The following HERC2 variants were observed in gnomAD, a reference collection of about 807,000 sequenced individuals.
HERC2 encodes HECT and RLD domain containing E3 ubiquitin protein ligase 2, also known as E3 ubiquitin-protein ligase HERC2.
A neutral mutation model predicts 537.7 loss-of-function variants in HERC2; 102 were observed. The ratio of observed to expected loss-of-function variants is 0.19; its 90% CI spans 0.16 to 0.22. The LOEUF (loss-of-function observed/expected upper bound fraction) is 0.22, where lower values mean the gene tolerates loss of function less well. Ranked by LOEUF, HERC2 falls within the 10% of genes least tolerant of loss-of-function variation. The pLI, the probability that HERC2 is intolerant of heterozygous loss-of-function variation, is 1.00. For missense variants in HERC2, 4,236 were observed against 6,198.2 expected, an observed-to-expected ratio of 0.68 and a Z score of 10.63; for synonymous variants, 2,224 against 2,466.2, an observed-to-expected ratio of 0.90 and a Z score of 2.91.
intron 55 of HERC2, among the ~76,000 whole-genome samples, chr15:28,189,065 C>T (rs536512935): frequency 2.6e-5 from 4 of 151,952 alleles, no homozygotes; most frequent in African/African-American, 4.8e-5. Flanking sequence ...CCAGCCTGGG[C>T]GACAGAGTGA....
At chr15:28,144,341 A>C in intron 72 of HERC2, 106 bp from the exon 73 acceptor site, 1 of 1,187,450 alleles carries the variant, frequency 8.4e-7, no homozygotes, top group Non-Finnish European at 1.2e-6. Context: ...ACCCACCAGA[A>C]GGCAACAGCT....
intron 85 of HERC2, among the ~76,000 whole-genome samples, chr15:28,123,680 T>G (rs904801407): frequency 6.6e-6 from 1 of 152,068 alleles, no homozygotes; most frequent in Non-Finnish European, 1.5e-5. Flanking sequence ...CCTGTGTCAG[T>G]GGGGACTTGC....
At chr15:28,223,424 A>G (rs1196507670) in intron 35 of HERC2, among the ~76,000 whole-genome samples, 1 of 152,158 alleles carries the variant, frequency 6.6e-6, no homozygotes, top group African/African-American at 2.4e-5. Context: ...CAAGAGAGCA[A>G]CAAAGGATAT....
chr15:28,194,731 T>C (rs931222046), intron 52 of HERC2, among the ~76,000 whole-genome samples: 5 of 152,166 alleles, frequency 3.3e-5, no homozygotes, highest in African/African-American at 4.8e-5. Context: ...ATGTCTTCTA[T>C]AGTTCTGTTA....
chr15:28,250,378 C>T (rs543483656), intron 20 of HERC2, among the ~76,000 whole-genome samples: 1 of 152,234 alleles, frequency 6.6e-6, no homozygotes, highest in South Asian at 2.1e-4. Flanking sequence ...ACCACTGTAA[C>T]ACAAGAAACA....
chr15:28,292,906 C>G lies in HERC2; in HGVS notation c.304G>C (p.Val102Leu), dbSNP rs750404031. The G allele has an allele frequency of 6.2e-6, 10 of 1,610,372 alleles. No homozygotes were observed. In the Admixed American group the frequency reaches 1.2e-4, roughly 19 times the overall value. Reference sequence around the variant, plus strand: ...AGATTACCTGGTTGCTTGCCCCATACCCAGCTGTCCAGAATTGACTTGGCC... The same window carrying G: ...AGATTACCTGGTTGCTTGCCCCATAGCCAGCTGTCCAGAATTGACTTGGCC... ...YRAKSILDSWVWGKQPDVNEL... is the reference protein window; with the variant it reads ...YRAKSILDSWLWGKQPDVNEL... The change falls in exon 4 of 93, where the codon GTA (valine) becomes CTA (leucine). Residue 102 changes from valine (V) to leucine (L), a missense_variant. By Grantham distance (32) the Val-to-Leu change is conservative. This residue lies in a region of HERC2 where 491 missense variants were observed against 559.3 expected (regional missense o/e 0.88). Coordinates refer to ENST00000261609, the MANE Select transcript of HERC2 (RefSeq NM_004667.6).
At chr15:28,155,605 ATGGGGTTGTTT>A (rs1892921173) in intron 69 of HERC2, among the ~76,000 whole-genome samples, 2 of 136,174 alleles carry the variant, frequency 1.5e-5, no homozygotes. Flanking sequence ...CCACTTGTTG[ATGGGGTTGTTT>A]TTTTCTTGTA....
chr15:28,163,353 TACCC>T, intron 68 of HERC2, 68 bp from the exon 69 acceptor site: 1 of 1,444,530 alleles, frequency 6.9e-7, no homozygotes. Context: ...GTCACCAGTT[TACCC>T]ATAAACTCAG....
At position 28,280,168 on chromosome 15, in the gene HERC2, C is replaced by G. The variant is rs1365719827; in HGVS notation, c.442G>C (p.Glu148Gln). Residue 148 changes from glutamate to glutamine, a missense_variant, in exon 5 of 93, where the codon GAG becomes CAG. Transcript: ENST00000261609. ...LRLKQRLVIL[E>Q]RYFIALNRTV... ...CTATTCAAGGCAATGAAATAGCGCT[C>G]CAAGATCACCAGCCTCTGCTTGAGT... 1 of 1,614,182 alleles carries G rather than the reference C, an allele frequency of 6.2e-7. No homozygotes were observed. Among genetic ancestry groups the G allele is most frequent in the Admixed American group, 1.7e-5 (1 of 60,024 alleles).
intron 20 of HERC2, among the ~76,000 whole-genome samples, chr15:28,254,014 T>G (rs1241704556): frequency 6.6e-6 from 1 of 151,454 alleles, no homozygotes; most frequent in East Asian, 1.9e-4. Flanking sequence ...CCGGGAGTGG[T>G]GGGTGATGCC....
At chr15:28,161,599 C>A (rs928191103) in intron 69 of HERC2, among the ~76,000 whole-genome samples, 1 of 152,176 alleles carries the variant, frequency 6.6e-6, no homozygotes, top group Non-Finnish European at 1.5e-5. Context: ...AGCTACTAGC[C>A]ACATGTGCCT....
Position 28,168,559 on chromosome 15 carries a change from C to A in HERC2, c.10261G>T (p.Ala3421Ser), listed in dbSNP as rs761645402. The A allele has an allele frequency of 3.7e-5, 59 of 1,614,000 alleles. No homozygotes were observed. In the South Asian group the frequency reaches 6.0e-4, roughly 17 times the overall value. ...DAVVGALMPA[A>S]MIAPVECPSF... is the part of the protein sequence containing the mutation. ...GGGCACTCCACCGGGGCGATCATGGCGGCCGGCATCAGGGCCCCGACAACA... is the reference window on the plus strand; with the variant it reads ...GGGCACTCCACCGGGGCGATCATGGAGGCCGGCATCAGGGCCCCGACAACA... The change falls in exon 67 of 93, where the codon GCC (alanine) becomes TCC (serine). Residue 3421 changes from alanine to serine, a missense_variant. Coordinates refer to ENST00000261609, the MANE Select transcript of HERC2 (RefSeq NM_004667.6).
chr15:28,144,449 C>G (rs1891533032), intron 72 of HERC2, among the ~76,000 whole-genome samples: 1 of 152,230 alleles, frequency 6.6e-6, no homozygotes, highest in Non-Finnish European at 1.5e-5. Context: ...CCAGCAACAA[C>G]TCCTTCCACA....
At chr15:28,256,646 T>A (rs750066945) in intron 17 of HERC2, among the ~76,000 whole-genome samples, 6 of 152,140 alleles carry the variant, frequency 3.9e-5, no homozygotes, top group Non-Finnish European at 5.9e-5. Flanking sequence ...CCAAAAAAGC[T>A]GCCACAGGTG....
At chr15:28,246,918 T>C (rs1274588732) in intron 21 of HERC2, 21 bp from the exon 22 acceptor site, 4 of 1,590,904 alleles carry the variant, frequency 2.5e-6, no homozygotes, top group Non-Finnish European at 3.4e-6. Flanking sequence ...GATTGAGAAA[T>C]TTTCATTTTC....
At chr15:28,147,234 A>G (rs1288731050) in intron 70 of HERC2, among the ~76,000 whole-genome samples, 1 of 150,920 alleles carries the variant, frequency 6.6e-6, no homozygotes, top group African/African-American at 2.5e-5. Flanking sequence ...AGAGAAACAG[A>G]AGAGAAAAAG....
At chr15:28,184,160 C>T (rs1305137365) in intron 56 of HERC2, among the ~76,000 whole-genome samples, 1 of 152,266 alleles carries the variant, frequency 6.6e-6, no homozygotes, top group African/African-American at 2.4e-5. Flanking sequence ...CATTGCGATC[C>T]AGCCTGGGCA....
chr15:28,252,692 G>A (rs1365136130), intron 20 of HERC2, among the ~76,000 whole-genome samples: 2 of 152,128 alleles, frequency 1.3e-5, no homozygotes, highest in East Asian at 3.8e-4. Context: ...ATGAAGTTTA[G>A]TTCTCTTTAT....
At chr15:28,313,695 G>A (rs1469478769) in intron 2 of HERC2, among the ~76,000 whole-genome samples, 1 of 152,120 alleles carries the variant, frequency 6.6e-6, no homozygotes, top group South Asian at 2.1e-4. Flanking sequence ...TCTATTGAAC[G>A]TAGGACAACA....
Sources: gnomAD v4.1 joint callset for allele counts (sites outside exome capture counted in the v4.1 genomes callset) on GRCh38, gnomAD v4.1.1 for gene constraint, gnomAD v4.1.1 regional missense constraint, MANE v1.5 for transcripts, NCBI Gene and HGNC (gene_info 2026-07-23, HGNC 2026-07-21) for gene names.